The following CPED1 variants were observed in gnomAD, a reference collection of about 807,000 sequenced individuals.
CPED1 encodes cadherin like and PC-esterase domain containing 1.
In CPED1, 114 loss-of-function variants were observed where a neutral mutation model predicts 128.2. That is an observed-to-expected ratio of 0.89 (90% CI 0.76 to 1.04). The LOEUF is 1.04. CPED1 is among the 50% of genes least tolerant of loss of function. The pLI, the probability that CPED1 is intolerant of heterozygous loss-of-function variation, is 0.00. For missense variants in CPED1, 1,211 were observed against 1,207.1 expected, an observed-to-expected ratio of 1.00 and a Z score of -0.05; for synonymous variants, 462 against 426.7, an observed-to-expected ratio of 1.08 and a Z score of -1.02.
At chr7:121,221,389 G>A (rs1422563284) in intron 16 of CPED1, among the ~76,000 whole-genome samples, 3 of 152,196 alleles carry the variant, frequency 2.0e-5, no homozygotes, top group African/African-American at 7.2e-5. Context: ...TTGGTTCCAA[G>A]TCTTTGCTAT....
At chr7:121,279,465 A>G (rs932226860) in intron 22 of CPED1, among the ~76,000 whole-genome samples, 2 of 123,466 alleles carry the variant, frequency 1.6e-5, no homozygotes, top group Non-Finnish European at 3.7e-5. Context: ...CGCCACAAAG[A>G]AAAAACAGAA....
intron 5 of CPED1, among the ~76,000 whole-genome samples, chr7:121,093,387 CCTTTTTCTGTACACACACA>C (rs970928665): frequency 1.6e-5 from 2 of 123,518 alleles, no homozygotes; most frequent in African/African-American, 5.9e-5. Context: ...AATATTGCTC[CCTTTTTCTGTACACACACA>C]CACACACACA....
chr7:121,137,559 A>G, intron 14 of CPED1, among the ~76,000 whole-genome samples: 1 of 152,068 alleles, frequency 6.6e-6, no homozygotes, highest in Non-Finnish European at 1.5e-5. Context: ...ATGTTTTATC[A>G]CTATTGTTAA....
At chr7:121,126,377 G>A (rs1248525215) in intron 9 of CPED1, among the ~76,000 whole-genome samples, 1 of 151,012 alleles carries the variant, frequency 6.6e-6, no homozygotes, top group African/African-American at 2.4e-5. Flanking sequence ...TGCCCATTTT[G>A]ATTCTTTTCC....
intron 2 of CPED1, among the ~76,000 whole-genome samples, chr7:120,991,707 C>T (rs1197574503): frequency 1.3e-5 from 2 of 152,186 alleles, no homozygotes; most frequent in Non-Finnish European, 2.9e-5. Flanking sequence ...TATAAACCAT[C>T]TGAAACTTAC....
rs773164918 is a variant in CPED1 at position 121,244,317 on chromosome 7, G to A, written c.2289G>A (p.Gln763=). 3.1e-6 allele frequency: 5 copies of A among 1,614,006 alleles called. No individual in the cohort carries two copies. The highest frequency in any genetic ancestry group is 1.3e-5 in the African/African-American group (1 of 74,920). Residue 763 remains glutamine, a synonymous_variant, in exon 18 of 23, where the codon CAG becomes CAA. Transcript: ENST00000310396. ...QYGVLTKPQL[Q]QCLGGRKILF... ...GTGTCCTAACTAAGCCTCAACTCCA[G>A]CAGTGCCTGGGAGGAAGGAAGGTAG...
chr7:121,117,007 C>G (rs1266237184), intron 7 of CPED1, among the ~76,000 whole-genome samples: 1 of 147,682 alleles, frequency 6.8e-6, no homozygotes, highest in African/African-American at 2.5e-5. Context: ...TATACACACA[C>G]ACATATATAT....
chr7:121,243,077 A>G (rs1232333872), intron 17 of CPED1, among the ~76,000 whole-genome samples: 2 of 152,170 alleles, frequency 1.3e-5, no homozygotes, highest in Middle Eastern at 3.2e-3. Context: ...CAGTACCACT[A>G]ATCAAAGCCA....
intron 22 of CPED1, among the ~76,000 whole-genome samples, chr7:121,293,529 G>A (rs1392932098): frequency 6.6e-6 from 1 of 152,094 alleles, no homozygotes; most frequent in Non-Finnish European, 1.5e-5. Flanking sequence ...TGTCTTGCTG[G>A]TGTTCCAGGC....
intron 2 of CPED1, among the ~76,000 whole-genome samples, chr7:121,009,393 C>T (rs1286614926): frequency 6.6e-6 from 1 of 151,894 alleles, no homozygotes; most frequent in African/African-American, 2.4e-5. Flanking sequence ...TGCTTGAGCC[C>T]AGTAGTTCAA....
chr7:121,260,904 A>T, intron 18 of CPED1, among the ~76,000 whole-genome samples: 1 of 151,866 alleles, frequency 6.6e-6, no homozygotes, highest in Non-Finnish European at 1.5e-5. Flanking sequence ...AATGATTTTA[A>T]TTTTTTTTCT....
intron 14 of CPED1, among the ~76,000 whole-genome samples, chr7:121,137,710 T>A (rs566029281): frequency 6.6e-6 from 1 of 152,194 alleles, no homozygotes; most frequent in South Asian, 2.1e-4. Context: ...ATTCCTTCCC[T>A]GCACTCACCA....
intron 16 of CPED1, among the ~76,000 whole-genome samples, chr7:121,230,394 A>G (rs1375191351): frequency 6.6e-6 from 1 of 152,048 alleles, no homozygotes; most frequent in East Asian, 1.9e-4. Flanking sequence ...TTAAAGTTCA[A>G]TTTCAGCTGT....
intron 18 of CPED1, among the ~76,000 whole-genome samples, chr7:121,247,329 A>G (rs888411308): frequency 2.6e-5 from 4 of 152,170 alleles, no homozygotes; most frequent in Non-Finnish European, 5.9e-5. Context: ...GGCAGGGTGC[A>G]AAATAAAAAT....
intron 4 of CPED1, chr7:121,062,756 A>G (rs2110277): frequency 0.79 from 119,915 of 152,034 alleles, 47,571 homozygotes; most frequent in East Asian, 0.93. Context: ...GAGGAACACA[A>G]TGGGAGATAA....
intron 14 of CPED1, among the ~76,000 whole-genome samples, chr7:121,137,957 T>C (rs10259383): frequency 0.56 from 84,717 of 151,948 alleles, 24,863 homozygotes; most frequent in African/African-American, 0.7. Flanking sequence ...TGGATGATCT[T>C]ACTTTTTTTT....
At chr7:121,000,205 C>T (rs1377339069) in intron 2 of CPED1, among the ~76,000 whole-genome samples, 1 of 152,144 alleles carries the variant, frequency 6.6e-6, no homozygotes, top group Non-Finnish European at 1.5e-5. Flanking sequence ...TCTGTTCTCA[C>T]TAAAAGAATG....
At position 121,295,585 on chromosome 7, in the gene CPED1, G is replaced by T; in HGVS notation, c.3014G>T (p.Gly1005Val). 1 of 1,614,032 alleles carries T rather than the reference G, an allele frequency of 6.2e-7. No homozygotes were observed. Among genetic ancestry groups the T allele is most frequent in the Non-Finnish European group, 8.5e-7 (1 of 1,179,958 alleles). The change falls in exon 23 of 23, where the codon GGT becomes GTT. Residue 1005 changes from glycine to valine, a missense_variant. Coordinates refer to ENST00000310396, the MANE Select transcript of CPED1 (RefSeq NM_024913.5). ...TNFRSPYHVR[G>V]PINQVCSEIL... Reference sequence around the variant, plus strand: ...TTTCGATCGCCATATCATGTCAGAGGTCCAATAAATCAGGTTTGTTCTGAA... The same window carrying T: ...TTTCGATCGCCATATCATGTCAGAGTTCCAATAAATCAGGTTTGTTCTGAA...
chr7:121,240,615 G>A (rs868431124), intron 17 of CPED1, among the ~76,000 whole-genome samples: 2 of 151,774 alleles, frequency 1.3e-5, no homozygotes, highest in African/African-American at 4.8e-5. Flanking sequence ...TTCATTTTCC[G>A]CTGATTATTT....
Sources: gnomAD v4.1 joint callset for allele counts (sites outside exome capture counted in the v4.1 genomes callset) on GRCh38, gnomAD v4.1.1 for gene constraint, MANE v1.5 for transcripts, NCBI Gene and HGNC (gene_info 2026-07-23, HGNC 2026-07-21) for gene names.